Variants in COMMD10 observed in about 807,000 individuals in gnomAD.
The protein encoded by COMMD10 is COMM domain-containing protein 10.
In COMMD10, 33 loss-of-function variants were observed where a neutral mutation model predicts 28.9. The observed-to-expected ratio is 1.14, with a 90% CI of 0.87 to 1.53. The LOEUF (loss-of-function observed/expected upper bound fraction) is 1.53. Among genes scored for constraint, COMMD10 ranks in the 40% most tolerant of loss-of-function variants. The pLI, the probability that COMMD10 is intolerant of heterozygous loss-of-function variation, is 0.00. For synonymous variants in COMMD10, 110 were observed against 81.7 expected (o/e 1.35, Z -1.87); for missense variants, 310 against 233.4 (o/e 1.33, Z -2.14).
intron 5 of COMMD10, among the ~76,000 whole-genome samples, chr5:116,252,355 T>G (rs913397181): frequency 7.0e-6 from 1 of 142,564 alleles, no homozygotes; most frequent in Non-Finnish European, 1.5e-5. Context: ...TTTGGTGTTT[T>G]AGACATGAAG....
intron 5 of COMMD10, among the ~76,000 whole-genome samples, chr5:116,199,116 C>T (rs564036955): frequency 6.6e-6 from 1 of 152,232 alleles, no homozygotes; most frequent in South Asian, 2.1e-4. Context: ...TCCTCACCAT[C>T]ATTTGGTGGT....
chr5:116,193,684 G>C (rs961665634), intron 5 of COMMD10, among the ~76,000 whole-genome samples: 1 of 151,960 alleles, frequency 6.6e-6, no homozygotes, highest in Non-Finnish European at 1.5e-5. Context: ...ATTACTAATA[G>C]ACCTAAGAAA....
At chr5:116,211,755 A>G (rs74571152) in intron 5 of COMMD10, among the ~76,000 whole-genome samples, 4,368 of 152,252 alleles carry the variant, frequency 0.029, 105 homozygotes, top group East Asian at 0.14. Flanking sequence ...ATTTGCAGCT[A>G]CATTACACAC....
chr5:116,093,399 C>A (rs1329111561), intron 4 of COMMD10, among the ~76,000 whole-genome samples: 1 of 152,120 alleles, frequency 6.6e-6, no homozygotes, highest in Non-Finnish European at 1.5e-5. Context: ...TTGCTGGGAT[C>A]AACCAGAAGC....
At chr5:116,236,297 A>G (rs1749659102) in intron 5 of COMMD10, among the ~76,000 whole-genome samples, 1 of 152,072 alleles carries the variant, frequency 6.6e-6, no homozygotes, top group African/African-American at 2.4e-5. Flanking sequence ...TGAGCACAGG[A>G]GTTCAAGACC....
At chr5:116,123,245 C>T (rs889973188) in intron 4 of COMMD10, among the ~76,000 whole-genome samples, 1 of 152,040 alleles carries the variant, frequency 6.6e-6, no homozygotes, top group African/African-American at 2.4e-5. Context: ...CTAATACCAT[C>T]GATACCTAAT....
chr5:116,275,554 A>C (rs1478423), intron 5 of COMMD10, among the ~76,000 whole-genome samples: 2,223 of 151,860 alleles, frequency 0.015, 83 homozygotes, highest in African/African-American at 0.047. Context: ...AAGATTGTAC[A>C]CATTGTCTTC....
At chr5:116,102,112 T>G (rs1750685149) in intron 4 of COMMD10, among the ~76,000 whole-genome samples, 1 of 152,216 alleles carries the variant, frequency 6.6e-6, no homozygotes, top group African/African-American at 2.4e-5. Flanking sequence ...CCTTTTAAGA[T>G]CTTAGTCATG....
intron 5 of COMMD10, among the ~76,000 whole-genome samples, chr5:116,193,112 C>T (rs960632820): frequency 7.9e-5 from 12 of 152,206 alleles, no homozygotes; most frequent in South Asian, 2.1e-4. Context: ...ACAAATGCTG[C>T]GTGAATTCAC....
At chr5:116,140,348 C>G (rs775577636) in intron 5 of COMMD10, among the ~76,000 whole-genome samples, 1 of 151,396 alleles carries the variant, frequency 6.6e-6, no homozygotes, top group Non-Finnish European at 1.5e-5. Flanking sequence ...TAGATAGTTA[C>G]GTTGTTTCCA....
At chr5:116,265,268 A>T (rs10064316) in intron 5 of COMMD10, among the ~76,000 whole-genome samples, 1 of 151,710 alleles carries the variant, frequency 6.6e-6, no homozygotes, top group African/African-American at 2.4e-5. Flanking sequence ...CACTATCCCC[A>T]AAAGTCAGGA....
intron 5 of COMMD10, among the ~76,000 whole-genome samples, chr5:116,157,501 G>A (rs1178865753): frequency 6.6e-6 from 1 of 152,108 alleles, no homozygotes; most frequent in African/African-American, 2.4e-5. Flanking sequence ...GGTTACCCTG[G>A]GCTGTTCACT....
At chr5:116,146,078 T>A (rs999817193) in intron 5 of COMMD10, among the ~76,000 whole-genome samples, 1 of 151,908 alleles carries the variant, frequency 6.6e-6, no homozygotes, top group Non-Finnish European at 1.5e-5. Context: ...AGTCTTGAGA[T>A]GTCTGTGGCT....
intron 4 of COMMD10, among the ~76,000 whole-genome samples, chr5:116,121,075 C>T (rs572085544): frequency 1.3e-4 from 20 of 151,968 alleles, no homozygotes; most frequent in Admixed American, 6.6e-4. Context: ...GTTGTTATGC[C>T]GCACCCATTA....
intron 5 of COMMD10, among the ~76,000 whole-genome samples, chr5:116,165,368 T>A (rs1333017827): frequency 6.6e-6 from 1 of 152,204 alleles, no homozygotes; most frequent in East Asian, 1.9e-4. Flanking sequence ...TTATTACAAA[T>A]TAATAGCCAC....
intron 5 of COMMD10, among the ~76,000 whole-genome samples, chr5:116,272,063 T>C (rs1750774566): frequency 6.6e-6 from 1 of 151,816 alleles, no homozygotes; most frequent in Non-Finnish European, 1.5e-5. Flanking sequence ...AAAAATTGAA[T>C]TAAAATATAA....
rs1310459349 is a variant in COMMD10, at chr5:116,252,301, T to C, written c.511-39216T>C. 1.4e-5 allele frequency among the ~76,000 whole-genome samples: 2 copies of C among 143,008 alleles called. 1 individual carries two copies. Among genetic ancestry groups the C allele is most frequent in the African/African-American group, 5.4e-5 (2 of 37,246 alleles). 93.8% of individuals were successfully genotyped at this position (143,008 alleles called of 152,430 possible). On this transcript the variant is annotated intron_variant, in intron 5 of 6. Transcript: ENST00000274458. ...TTTGCTGTGCAGAAGCTCTTTAGTT[T>C]AATTAGATCCCATTTGTCAATTTTG...
chr5:116,290,420 C>G (rs541823771), intron 5 of COMMD10, among the ~76,000 whole-genome samples: 1 of 151,830 alleles, frequency 6.6e-6, no homozygotes, highest in East Asian at 1.9e-4. Context: ...GAAATTTGAT[C>G]CTGTACACTT....
intron 5 of COMMD10, among the ~76,000 whole-genome samples, chr5:116,259,541 GGTTGTTT>G (rs1428378783): frequency 6.6e-6 from 1 of 150,804 alleles, no homozygotes; most frequent in Non-Finnish European, 1.5e-5. Flanking sequence ...GGTGATTTTT[GGTTGTTT>G]GTTGTTTGTT....
Sources: allele counts gnomAD v4.1 joint callset (sites outside exome capture counted in the v4.1 genomes callset), GRCh38; gene constraint gnomAD v4.1.1; transcripts MANE v1.5; gene names NCBI Gene and HGNC (gene_info 2026-07-23, HGNC 2026-07-21).